PITPNM1: variants seen among roughly 807,000 people sequenced by gnomAD.
PITPNM1 encodes phosphatidylinositol transfer protein membrane associated 1, also known as membrane-associated phosphatidylinositol transfer protein 1.
In PITPNM1, 74 loss-of-function variants were observed where a neutral mutation model predicts 133.3. That is an observed-to-expected ratio of 0.56 (90% CI 0.46 to 0.67). The LOEUF (loss-of-function observed/expected upper bound fraction) is 0.67. Among genes scored for constraint, PITPNM1 ranks in the 30% least tolerant of loss-of-function variants. The pLI is 0.00. For missense variants in PITPNM1, 1,398 were observed against 1,739.5 expected (o/e 0.80, Z 3.49); for synonymous variants, 738 against 741.4 (o/e 1.00, Z 0.08).
In PITPNM1 at chr11:67,502,522, T is replaced by C. The variant is rs1866364245; in HGVS notation, c.275A>G (p.Tyr92Cys). Residue 92 changes from tyrosine to cysteine, a missense_variant, in exon 3 of 24, where the codon TAC becomes TGC. By Grantham distance (194) the Tyr-to-Cys change is radical. Coordinates refer to ENST00000356404, the MANE Select transcript of PITPNM1 (RefSeq NM_004910.3). The surrounding 1 kb of genome is among the most constrained non-coding windows in gnomAD (Gnocchi z 5.9). ...CACTCACCGGGTTCGGGTGTAGGGG[T>C]AGGCATTCCAGGATTCCTCTTCTAC... ...LQVEEESWNAYPYTRTRYTCP... is the reference protein window; with the variant it reads ...LQVEEESWNACPYTRTRYTCP... The C allele has an allele frequency of 6.2e-7, 1 of 1,613,606 alleles. No individual in the cohort carries two copies. The highest frequency in any genetic ancestry group is 8.5e-7 in the Non-Finnish European group (1 of 1,179,974).
chr11:67,494,163 A>C, intron 19 of PITPNM1, 81 bp downstream of exon 19: 2 of 1,574,994 alleles, frequency 1.3e-6, no homozygotes, highest in Non-Finnish European at 8.7e-7. Context: ...GTCTAGGGGC[A>C]CAACCACCAG....
chr11:67,499,676 T>C (rs762666196), intron 8 of PITPNM1, 47 bp downstream of exon 8: 45 of 958,258 alleles, frequency 4.7e-5, no homozygotes, highest in Non-Finnish European at 6.8e-5. Context: ...ACTCATGACC[T>C]GCTGTACACG....
intron 18 of PITPNM1, 136 bp downstream of exon 18, chr11:67,494,710 G>A (rs1866050673): frequency 1.6e-6 from 1 of 635,782 alleles, no homozygotes; most frequent in Non-Finnish European, 2.8e-6. Context: ...CAGGACCCCA[G>A]GGGCGGGGCA....
chr11:67,492,903 G>A (rs1865979058), intron 23 of PITPNM1, 31 bp downstream of exon 23: 1 of 1,604,840 alleles, frequency 6.2e-7, no homozygotes, highest in Non-Finnish European at 8.5e-7. Context: ...CCCTGGTGGG[G>A]TCCTGTTCCT....
chr11:67,498,210 C>A lies in PITPNM1; in HGVS notation c.1597G>T (p.Ala533Ser), dbSNP rs757060270. The change falls in exon 11 of 24, where the codon GCC becomes TCC. Residue 533 changes from alanine to serine, a missense_variant. By Grantham distance (99) the Ala-to-Ser change is moderately conservative. This residue lies in a region of PITPNM1 where 574 missense variants were observed against 698.7 expected (regional missense o/e 0.82). Coordinates refer to ENST00000356404, the MANE Select transcript of PITPNM1 (RefSeq NM_004910.3). The surrounding 1 kb of genome is among the most constrained non-coding windows in gnomAD (Gnocchi z 5.7). ...TGGTTGGTGCGGGCAATGACGGTGG[C>A]CACGGCGCCCTGGTAGCGGGAGGAT... Reference protein sequence around the residue: ...TSSSRYQGAVATVIARTNQAY... With the variant: ...TSSSRYQGAVSTVIARTNQAY... The A allele has an allele frequency of 5.6e-6, 9 of 1,612,844 alleles. No homozygotes were observed. Among genetic ancestry groups the A allele is most frequent in the Admixed American group, 1.7e-5 (1 of 59,944 alleles).
Position 67,497,287 on chromosome 11 carries a change from C to T in PITPNM1, c.2090G>A (p.Gly697Asp). 1 of 1,612,488 alleles carries T rather than the reference C, an allele frequency of 6.2e-7. No individual in the cohort carries two copies. Among genetic ancestry groups the T allele is most frequent in the Non-Finnish European group, 8.5e-7 (1 of 1,179,634 alleles). ...DFKVSGFFLF[G>D]SPLGLVLALR... Reference sequence around the variant, plus strand: ...AGCCAGCACCAGGCCCAGTGGGGAGCCGAAGAGGAAGAAGCCAGAGACCTT... The same window carrying T: ...AGCCAGCACCAGGCCCAGTGGGGAGTCGAAGAGGAAGAAGCCAGAGACCTT... The change falls in exon 14 of 24, where the codon GGC becomes GAC. Residue 697 changes from glycine to aspartate, a missense_variant. This residue lies in a region of PITPNM1 where 574 missense variants were observed against 698.7 expected (regional missense o/e 0.82). Coordinates refer to ENST00000356404, the MANE Select transcript of PITPNM1 (RefSeq NM_004910.3).
Position 67,504,199 on chromosome 11 carries a change from G to T in PITPNM1, c.-19C>A, listed in dbSNP as rs1866420434. On this transcript the variant is annotated 5_prime_UTR_variant, in exon 2 of 24. Transcript: ENST00000356404. The surrounding 1 kb of genome is among the most constrained non-coding windows in gnomAD (Gnocchi z 5.4). The stretch of plus-strand genomic sequence containing the variant: ...TGAGCATCCTGAAGGCGCTCGGCGG[G>T]CCGCGCGCGGCCTCCGCTCCTCCTG... The T allele has an allele frequency of 5.1e-6, 8 of 1,577,498 alleles. No individual in the cohort carries two copies. Among genetic ancestry groups the T allele is most frequent in the Non-Finnish European group, 6.9e-6 (8 of 1,163,808 alleles).
chr11:67,499,724 T>C lies in PITPNM1; in HGVS notation c.1170A>G (p.Pro390=). Residue 390 remains proline, a splice_region_variant and synonymous_variant, in exon 8 of 24, where the codon CCA becomes CCG. Coordinates refer to ENST00000356404, the MANE Select transcript of PITPNM1 (RefSeq NM_004910.3). ...FASPVEAEGT[P]EPGAEAAKGI... ...CGGTGTCCTAGGCGGTATCTTTACC[T>C]GGCGTTCCCTCTGCCTCCACTGGGG... The C allele has an allele frequency of 6.7e-7, 1 of 1,490,520 alleles. No individual in the cohort carries two copies. The highest frequency in any genetic ancestry group is 9.0e-7 in the Non-Finnish European group (1 of 1,113,414). The allele number at this position is 1,490,520 out of a possible 1,614,324, so 92.3% of individuals were successfully genotyped here.
chr11:67,492,378 G>T (rs1391103723), intron 23 of PITPNM1, 82 bp from the exon 24 acceptor site: 3 of 1,380,468 alleles, frequency 2.2e-6, no homozygotes, highest in East Asian at 2.5e-5. Context: ...AGAGGCACCT[G>T]AGGCAGGCTG....
At position 67,494,864 on chromosome 11, in the gene PITPNM1, G is replaced by A. The variant is rs1001771510; in HGVS notation, c.2724C>T (p.Arg908=). 8 of 1,612,440 alleles carry A rather than the reference G, an allele frequency of 5.0e-6. No individual in the cohort carries two copies. The African/African-American group carries it at 1.1e-4, about 22-fold the overall frequency. Residue 908 remains arginine, a synonymous_variant, in exon 18 of 24, where the codon CGC becomes CGT. Transcript: ENST00000356404. ...CACCTACCCGGATCTTGACCTGCGTGCGTTTTCGCTGCCACTTCTCCCTGG... is the reference window on the plus strand; with the variant it reads ...CACCTACCCGGATCTTGACCTGCGTACGTTTTCGCTGCCACTTCTCCCTGG... The part of the protein sequence containing the change: ...AFPREKWQRK[R]TQVKIRNVTS...
chr11:67,494,797 T>TGGGCGAGAGG (rs774778609), intron 18 of PITPNM1, 49 bp downstream of exon 18: 14 of 1,331,188 alleles, frequency 1.1e-5, no homozygotes, highest in African/African-American at 6.3e-5. Context: ...CTCTGGTGAG[T>TGGGCGAGAGG]GGGCGAGAGT....
At chr11:67,496,384 A>T (rs758159017) in intron 14 of PITPNM1, 36 bp from the exon 15 acceptor site, 3 of 1,552,672 alleles carry the variant, frequency 1.9e-6, no homozygotes, top group Non-Finnish European at 2.6e-6. Context: ...TTGTGGGGTC[A>T]GGGTTTCAGC....
At position 67,496,146 on chromosome 11, in the gene PITPNM1, C is replaced by T. The variant is rs772109031; in HGVS notation, c.2317+32G>A. 4.1e-6 allele frequency: 6 copies of T among 1,478,502 alleles called. No individual in the cohort carries two copies. In the South Asian group the frequency reaches 7.0e-5, roughly 17 times the overall value. The allele number at this position is 1,478,502 out of a possible 1,614,324, so 91.6% of individuals were successfully genotyped here. On this transcript the variant is annotated intron_variant, in intron 15 of 23. Transcript: ENST00000356404. ...CCTCCCTTCCTGTGTGTGCCCTCCTCCTTCTCCCCTTTATCTTGTTTGGGG... is the reference window on the plus strand; with the variant it reads ...CCTCCCTTCCTGTGTGTGCCCTCCTTCTTCTCCCCTTTATCTTGTTTGGGG...
chr11:67,498,111 TGGACTGTCCCTAACC>T lies in PITPNM1; in HGVS notation c.1674+7_1674+21del. On this transcript the variant is annotated splice_region_variant and intron_variant, in intron 11 of 23. Transcript: ENST00000356404. The surrounding 1 kb of genome is among the most constrained non-coding windows in gnomAD (Gnocchi z 5.7). ...GGGGGCTGCAGTGGAGGGCAGCAGA[TGGACTGTCCCTAACC>T]GCTGACCTGCCCACAGAAGCCGGCA... 6.2e-7 allele frequency: 1 copy of T among 1,611,438 alleles called. No homozygotes were observed.
Position 67,495,466 on chromosome 11 carries a change from G to C in PITPNM1, c.2454C>G (p.Ala818=), listed in dbSNP as rs559282362. The change falls in exon 16 of 24, where the codon GCC becomes GCG. Residue 818 remains alanine (A), a synonymous_variant. Transcript: ENST00000356404. Reference sequence around the variant, plus strand: ...TAACCACCTCACTGGTGGTGCTGGGGGCGGCTGGCTGGGCCGGGGGGTCAG... The same window carrying C: ...TAACCACCTCACTGGTGGTGCTGGGCGCGGCTGGCTGGGCCGGGGGGTCAG... ...LATDPPAQPA[A]PSTTSEVVKI... is the part of the protein sequence containing the mutation. 2 of 1,545,390 alleles carry C rather than the reference G, an allele frequency of 1.3e-6. No individual in the cohort carries two copies. The highest frequency in any genetic ancestry group is 2.7e-5 in the African/African-American group (2 of 73,216).
In PITPNM1 at chr11:67,492,240, C is replaced by T. The variant is rs758535434; in HGVS notation, c.3528G>A (p.Ser1176=). The T allele has an allele frequency of 2.1e-5, 34 of 1,601,058 alleles. No individual in the cohort carries two copies. Among genetic ancestry groups the T allele is most frequent in the East Asian group, 4.5e-5 (2 of 44,470 alleles). The change falls in exon 24 of 24, where the codon TCG becomes TCA. Residue 1176 remains serine (S), a synonymous_variant. Transcript: ENST00000356404. ...CTCTCGGGGGTCCCGAGGAGGCATG[C>T]GAGTGCGAGCCCGCTTCCAGCTGGC... ...HLGQLEAGSH[S]HASSGPPRAA... is the part of the protein sequence containing the mutation.
At chr11:67,494,489 A>C (rs1031189780) in intron 18 of PITPNM1, 129 bp from the exon 19 acceptor site, 1 of 686,676 alleles carries the variant, frequency 1.5e-6, no homozygotes, top group Non-Finnish European at 2.4e-6. Context: ...TTGAGGGAAA[A>C]GGGCAAGCCC....
Position 67,497,419 on chromosome 11 carries a change from G to T in PITPNM1, c.1958C>A (p.Ala653Glu), listed in dbSNP as rs531835794. The T allele has an allele frequency of 1.6e-5, 25 of 1,589,806 alleles. No homozygotes were observed. In the South Asian group the frequency reaches 2.5e-4, roughly 16 times the overall value. Residue 653 changes from alanine (A) to glutamate (E), a missense_variant, in exon 14 of 24, where the codon GCA (alanine) becomes GAA (glutamate). Transcript: ENST00000356404. ...GSQNSLQAAP[A>E]TTSSWEPRRA... Reference sequence around the variant, plus strand: ...CCGGGGCTCCCAGGAGGAGGTGGTTGCGGGGGCTGCCTGAAGGCTGTGGGG... The same window carrying T: ...CCGGGGCTCCCAGGAGGAGGTGGTTTCGGGGGCTGCCTGAAGGCTGTGGGG...
At position 67,502,742 on chromosome 11, in the gene PITPNM1, C is replaced by G. The variant is rs754617679; in HGVS notation, c.79-24G>C. 37 of 1,600,674 alleles carry G rather than the reference C, an allele frequency of 2.3e-5. No homozygotes were observed. The highest frequency in any genetic ancestry group is 3.1e-5 in the Non-Finnish European group (36 of 1,169,890). On this transcript the variant is annotated intron_variant, in intron 2 of 23. Coordinates refer to ENST00000356404, the MANE Select transcript of PITPNM1 (RefSeq NM_004910.3). The surrounding 1 kb of genome is among the most constrained non-coding windows in gnomAD (Gnocchi z 5.9). Reference sequence around the variant, plus strand: ...TTCTGTGGCCCAAGGGAGAGCAGGACAGGGAGCTCAGCCCCAGCTTAGCAT... The same window carrying G: ...TTCTGTGGCCCAAGGGAGAGCAGGAGAGGGAGCTCAGCCCCAGCTTAGCAT...
Sources: gnomAD v4.1 joint callset for allele counts on GRCh38, gnomAD v4.1.1 for gene constraint, gnomAD v4.1.1 regional missense constraint, Gnocchi (gnomAD v3.1) non-coding constraint, MANE v1.5 for transcripts, NCBI Gene and HGNC (gene_info 2026-07-23, HGNC 2026-07-21) for gene names.